The following GTF2F2 variants were observed in gnomAD, a reference collection of about 807,000 sequenced individuals.
GTF2F2 encodes the protein general transcription factor IIF subunit 2.
Under a neutral mutation model 42.2 loss-of-function variants are expected in GTF2F2, and 23 were observed. The observed-to-expected ratio is 0.55, with a 90% CI of 0.39 to 0.77. The LOEUF (loss-of-function observed/expected upper bound fraction) is 0.77. GTF2F2 is among the 30% of genes least tolerant of loss of function. The pLI, the probability that GTF2F2 is intolerant of heterozygous loss-of-function variation, is 0.00. For missense variants in GTF2F2, 261 were observed against 287.2 expected, an observed-to-expected ratio of 0.91 and a Z score of 0.66; for synonymous variants, 105 against 100.8, an observed-to-expected ratio of 1.04 and a Z score of -0.25.
At chr13:45,217,236 T>A (rs762386613) in intron 5 of GTF2F2, among the ~76,000 whole-genome samples, 3 of 146,846 alleles carry the variant, frequency 2.0e-5, no homozygotes, top group Non-Finnish European at 4.5e-5. Flanking sequence ...AGGTGGAGGT[T>A]ACAGTGAGCC....
At chr13:45,264,448 A>T (rs997311604) in intron 6 of GTF2F2, among the ~76,000 whole-genome samples, 2 of 151,620 alleles carry the variant, frequency 1.3e-5, no homozygotes, top group Admixed American at 1.3e-4. Context: ...CGCCCAGCTA[A>T]TTTTTTTGTA....
intron 5 of GTF2F2, among the ~76,000 whole-genome samples, chr13:45,241,334 C>T (rs1875293913): frequency 1.3e-5 from 2 of 152,012 alleles, no homozygotes; most frequent in Admixed American, 1.3e-4. Flanking sequence ...TTTTCTGGTT[C>T]ACTCTAGCCC....
At chr13:45,245,939 C>CAA (rs562692270) in intron 5 of GTF2F2, among the ~76,000 whole-genome samples, 8 of 74,820 alleles carry the variant, frequency 1.1e-4, no homozygotes, top group East Asian at 4.3e-4. Flanking sequence ...GACTCCATCT[C>CAA]AAAAAAAAAA....
At chr13:45,136,276 T>C (rs1198176509) in intron 1 of GTF2F2, among the ~76,000 whole-genome samples, 1 of 152,270 alleles carries the variant, frequency 6.6e-6, no homozygotes, top group Non-Finnish European at 1.5e-5. Context: ...TGCTGTTTAA[T>C]AATCCTTTTA....
chr13:45,153,457 GT>G (rs1206244436), intron 4 of GTF2F2, among the ~76,000 whole-genome samples: 1 of 152,102 alleles, frequency 6.6e-6, no homozygotes, highest in Admixed American at 6.5e-5. Flanking sequence ...TAGAAGGTTG[GT>G]TTCATTGCAG....
chr13:45,237,888 C>G (rs1875071404), intron 5 of GTF2F2, among the ~76,000 whole-genome samples: 1 of 152,172 alleles, frequency 6.6e-6, no homozygotes. Flanking sequence ...CATCCCCACT[C>G]CTGGGAACCA....
At chr13:45,223,154 G>A (rs1276733600) in intron 5 of GTF2F2, among the ~76,000 whole-genome samples, 1 of 151,602 alleles carries the variant, frequency 6.6e-6, no homozygotes, top group African/African-American at 2.4e-5. Flanking sequence ...CTACTCCTGA[G>A]GCTGAGGTGG....
chr13:45,251,851 T>C (rs1043739985), intron 5 of GTF2F2, among the ~76,000 whole-genome samples: 7 of 152,208 alleles, frequency 4.6e-5, no homozygotes, highest in Middle Eastern at 3.2e-3. Flanking sequence ...TGCAATCTTA[T>C]ATTTTGATAT....
chr13:45,253,488 G>A (rs1029334056), intron 6 of GTF2F2, among the ~76,000 whole-genome samples: 3 of 152,122 alleles, frequency 2.0e-5, no homozygotes, highest in African/African-American at 4.8e-5. Flanking sequence ...GCAAAGTGAG[G>A]ACCATCTGTA....
chr13:45,267,408 A>G (rs1261649906), intron 7 of GTF2F2, 32 bp downstream of exon 7: 1 of 1,451,790 alleles, frequency 6.9e-7, no homozygotes. Flanking sequence ...TCCTTTGAAT[A>G]TGCCCTCCTT....
intron 1 of GTF2F2, among the ~76,000 whole-genome samples, chr13:45,133,575 A>G (rs1049504825): frequency 3.3e-5 from 5 of 152,158 alleles, no homozygotes; most frequent in East Asian, 1.9e-4. Flanking sequence ...TGTTTTATCT[A>G]AGTAGTGGAG....
chr13:45,142,712 G>T (rs1869991574), intron 2 of GTF2F2, among the ~76,000 whole-genome samples: 2 of 152,178 alleles, frequency 1.3e-5, no homozygotes, highest in Non-Finnish European at 2.9e-5. Flanking sequence ...TTGTTGCCTA[G>T]TTGGTCTCCT....
At chr13:45,185,113 G>A (rs1039082371) in intron 4 of GTF2F2, among the ~76,000 whole-genome samples, 11 of 151,982 alleles carry the variant, frequency 7.2e-5, no homozygotes, top group African/African-American at 2.4e-4. Flanking sequence ...GCGACACCCC[G>A]CTTAGCCCAT....
chr13:45,216,238 A>C lies in GTF2F2; in HGVS notation c.386+8733A>C, dbSNP rs570562105. ...GTCTCAAGAGGAAAAAAAAGAAGGC[A>C]CTGGAATAATTTTAAAAACTCAAAG... On this transcript the variant is annotated intron_variant, in intron 5 of 7. Coordinates refer to ENST00000340473, the MANE Select transcript of GTF2F2 (RefSeq NM_004128.3). Among the ~76,000 whole-genome samples, 5 of 152,264 alleles carry C rather than the reference A, an allele frequency of 3.3e-5. No homozygotes were observed. In the South Asian group the frequency reaches 1.0e-3, roughly 32 times the overall value.
chr13:45,280,843 T>C (rs1281954954), intron 7 of GTF2F2, among the ~76,000 whole-genome samples: 1 of 152,238 alleles, frequency 6.6e-6, no homozygotes, highest in East Asian at 1.9e-4. Context: ...GCTACTAAAA[T>C]GCTCCTGGCA....
chr13:45,212,511 T>C (rs949678928), intron 5 of GTF2F2, among the ~76,000 whole-genome samples: 8 of 112,504 alleles, frequency 7.1e-5, no homozygotes, highest in East Asian at 2.0e-4. Flanking sequence ...TTCTTTCTTT[T>C]CTTTCTTTCT....
intron 5 of GTF2F2, among the ~76,000 whole-genome samples, chr13:45,241,571 A>G (rs569034846): frequency 1.5e-5 from 2 of 129,622 alleles, no homozygotes; most frequent in Non-Finnish European, 3.2e-5. Context: ...AATTAATTTA[A>G]ATAGACACGG....
intron 5 of GTF2F2, among the ~76,000 whole-genome samples, chr13:45,236,419 T>C (rs1014516915): frequency 2.0e-5 from 3 of 152,040 alleles, no homozygotes; most frequent in Non-Finnish European, 4.4e-5. Context: ...CTGAGTTGTG[T>C]ATAGTGAAAT....
chr13:45,211,767 AG>A (rs1873654197), intron 5 of GTF2F2, among the ~76,000 whole-genome samples: 1 of 150,970 alleles, frequency 6.6e-6, no homozygotes, highest in Admixed American at 6.6e-5. Flanking sequence ...TTGTATTTTT[AG>A]GAGAGACGGG....
Sources: gnomAD v4.1 joint callset for allele counts (sites outside exome capture counted in the v4.1 genomes callset) on GRCh38, gnomAD v4.1.1 for gene constraint, MANE v1.5 for transcripts, NCBI Gene and HGNC (gene_info 2026-07-23, HGNC 2026-07-21) for gene names.